Variants in SETD1B observed in about 807,000 individuals in gnomAD.
The protein encoded by SETD1B is histone-lysine N-methyltransferase SETD1B.
In SETD1B, 7 loss-of-function variants were observed where a neutral mutation model predicts 148.0. That is an observed-to-expected ratio of 0.05 (90% CI 0.03 to 0.09). The LOEUF is 0.09. Among genes scored for constraint, SETD1B ranks in the 10% least tolerant of loss-of-function variants. SETD1B has a pLI of 1.00. For missense variants in SETD1B, 2,155 were observed against 2,729.9 expected (o/e 0.79, Z 4.69); for synonymous variants, 1,361 against 1,186.5 (o/e 1.15, Z -3.02).
At chr12:121,812,835 G>A (rs1175600443) in intron 6 of SETD1B, among the ~76,000 whole-genome samples, 1 of 152,100 alleles carries the variant, frequency 6.6e-6, no homozygotes, top group African/African-American at 2.4e-5. Context: ...CGCTGCCTTA[G>A]TTTGGGTAGT....
rs138210518 is a variant in SETD1B, at chr12:121,830,517, C to A, written c.*278C>A. On this transcript the variant is annotated 3_prime_UTR_variant, in exon 17 of 17. Transcript: ENST00000604567. This position sits in a 1 kb window ranked among gnomAD's most constrained non-coding sequence, Gnocchi z 5.7. ...GTTTAACTCCAGCATCAGCTTCTCT[C>A]TCTCCGTCTCTCCTCCCCTCTCTCT... 9.3e-3 allele frequency: 3,246 copies of A among 348,072 alleles called. 44 individuals carry two copies. The highest frequency in any genetic ancestry group is 0.027 in the Middle Eastern group (34 of 1,248). The allele number at this position is 348,072 out of a possible 1,614,324, so 21.6% of individuals were successfully genotyped here. A position where few individuals can be genotyped will look rare whatever the true frequency, so the allele number is the denominator to read the frequency against.
In SETD1B at chr12:121,825,351, C is replaced by T. The variant is rs1292796444; in HGVS notation, c.5322C>T (p.Pro1774=). ...GCAGCCGTGCCAGCACCGATGAGCC[C>T]CCCGCAGACACCCAGGTACTGCCAG... ...LNSSRASTDE[P]PADTQGMSIP... is the part of the protein sequence containing the mutation. The change falls in exon 13 of 17, where the codon CCC becomes CCT. Residue 1774 remains proline (P), a synonymous_variant. Coordinates refer to ENST00000604567, the MANE Select transcript of SETD1B (RefSeq NM_001353345.2). 2 of 1,550,332 alleles carry T rather than the reference C, an allele frequency of 1.3e-6. No homozygotes were observed. Among genetic ancestry groups the T allele is most frequent in the Middle Eastern group, 3.3e-4 (2 of 5,990 alleles).
chr12:121,811,387 C>T (rs1326179220), intron 6 of SETD1B, among the ~76,000 whole-genome samples: 1 of 150,988 alleles, frequency 6.6e-6, no homozygotes, highest in Non-Finnish European at 1.5e-5. Flanking sequence ...GTGCTGGTTT[C>T]CCTTCTTCTC....
chr12:121,819,375 G>T (rs1255561926), intron 10 of SETD1B, 29 bp from the exon 11 acceptor site: 17 of 1,550,626 alleles, frequency 1.1e-5, no homozygotes, highest in Non-Finnish European at 1.5e-5. Flanking sequence ...GGGTCCTCAG[G>T]CAGCCCCTCG....
At chr12:121,829,489 G>A (rs1334018094) in intron 16 of SETD1B, among the ~76,000 whole-genome samples, 1 of 152,206 alleles carries the variant, frequency 6.6e-6, no homozygotes, top group Non-Finnish European at 1.5e-5. Context: ...CATGCTTTAG[G>A]TGTGAGCTAA....
rs2137540687 is a variant in SETD1B, at chr12:121,804,493, C to T, written c.-14-231C>T. 6.6e-6 allele frequency among the ~76,000 whole-genome samples: 1 copy of T among 151,326 alleles called. No homozygotes were observed. Among genetic ancestry groups the T allele is most frequent in the East Asian group, 2.0e-4 (1 of 5,088 alleles). ...CCGCCCAGGGGACCCCCGGGAGCCCCTCGCTGCCGCCCCGAGACGGTGGCC... is the reference window on the plus strand; with the variant it reads ...CCGCCCAGGGGACCCCCGGGAGCCCTTCGCTGCCGCCCCGAGACGGTGGCC... On this transcript the variant is annotated intron_variant, in intron 1 of 16. Transcript: ENST00000604567. The surrounding 1 kb of genome is among the most constrained non-coding windows in gnomAD (Gnocchi z 4.6).
Position 121,809,950 on chromosome 12 carries a change from G to T in SETD1B, c.1005G>T (p.Ala335=), listed in dbSNP as rs1056114867. 6.4e-7 allele frequency: 1 copy of T among 1,551,012 alleles called. No individual in the cohort carries two copies. Among genetic ancestry groups the T allele is most frequent in the Admixed American group, 2.0e-5 (1 of 51,006 alleles). ...ATCATTATGTACACAATTCTCCCGC[G>T]GTCACTGCGGTGGCCGGGGCCACAG... is the stretch of plus-strand genomic sequence containing the variant. ...HEHHYVHNSP[A]VTAVAGATAA... The change falls in exon 6 of 17, where the codon GCG becomes GCT. Residue 335 remains alanine (A), a synonymous_variant. Transcript: ENST00000604567.
rs553823417 is a variant in SETD1B at position 121,817,566 on chromosome 12, C to T, written c.3174C>T (p.Thr1058=). Residue 1058 remains threonine, a synonymous_variant, in exon 9 of 17, where the codon ACC becomes ACT. Coordinates refer to ENST00000604567, the MANE Select transcript of SETD1B (RefSeq NM_001353345.2). This position sits in a 1 kb window ranked among gnomAD's most constrained non-coding sequence, Gnocchi z 8.1. The stretch of plus-strand genomic sequence containing the variant: ...CATCATCCTCGGGGTCCTCAACCAC[C>T]TCACCCTCGTCCTCGGCCTCCGACA... ...SASSSSGSST[T]SPSSSASDKE... is the part of the protein sequence containing the mutation. 3.2e-6 allele frequency: 5 copies of T among 1,551,434 alleles called. No homozygotes were observed. The East Asian group carries it at 7.3e-5, about 23-fold the overall frequency.
At chr12:121,823,996 A>G (rs1022748521) in intron 12 of SETD1B, among the ~76,000 whole-genome samples, 2 of 152,234 alleles carry the variant, frequency 1.3e-5, no homozygotes, top group Non-Finnish European at 2.9e-5. Flanking sequence ...AGCAGGTCTC[A>G]GGGTCACATG....
At chr12:121,793,342 C>G in the SETD1B span, 4 of 1,432,592 alleles carry the variant, frequency 2.8e-6, no homozygotes, top group South Asian at 1.2e-5. Context: ...GATCAGCCCC[C>G]CCTCACCCCG....
chr12:121,817,932 C>G lies in SETD1B; in HGVS notation c.3418+28C>G. 1 of 1,505,850 alleles carries G rather than the reference C, an allele frequency of 6.6e-7. No individual in the cohort carries two copies. The highest frequency in any genetic ancestry group is 1.4e-5 in the African/African-American group (1 of 71,588). The allele number at this position is 1,505,850 out of a possible 1,614,324, so 93.3% of individuals were successfully genotyped here. On this transcript the variant is annotated intron_variant, in intron 10 of 16. Coordinates refer to ENST00000604567, the MANE Select transcript of SETD1B (RefSeq NM_001353345.2). This position sits in a 1 kb window ranked among gnomAD's most constrained non-coding sequence, Gnocchi z 8.1. ...GAGCAGGGAGGCCGTGGCTGCCTGG[C>G]CCTCCCGGAGTCCCTCTTTCCCCGG...
intron 13 of SETD1B, among the ~76,000 whole-genome samples, chr12:121,826,831 G>T (rs1251583146): frequency 1.3e-5 from 2 of 152,054 alleles, no homozygotes; most frequent in Non-Finnish European, 2.9e-5. Flanking sequence ...TGGGCGGGGG[G>T]TGACAGCCCA....
At chr12:121,828,107 C>T (rs1488754382) in intron 16 of SETD1B, 37 bp downstream of exon 16, 2 of 1,547,144 alleles carry the variant, frequency 1.3e-6, no homozygotes, top group Admixed American at 2.0e-5. Context: ...TGCCCCTGCT[C>T]CTGCCCCTGG....
intron 13 of SETD1B, among the ~76,000 whole-genome samples, chr12:121,827,239 A>C (rs1592992498): frequency 6.6e-6 from 1 of 152,112 alleles, no homozygotes; most frequent in Non-Finnish European, 1.5e-5. Flanking sequence ...GTGAGAGCCA[A>C]GGAGGGGGTC....
Position 121,808,396 on chromosome 12 carries a change from T to A in SETD1B, c.657+76T>A. 2 of 955,298 alleles carry A rather than the reference T, an allele frequency of 2.1e-6. No homozygotes were observed. The highest frequency in any genetic ancestry group is 3.2e-6 in the Non-Finnish European group (2 of 626,152). The allele number at this position is 955,298 out of a possible 1,614,324, so 59.2% of individuals were successfully genotyped here. Reference sequence around the variant, plus strand: ...CCCACCTCTGGAAAGCCTCACCAACTCTCTTATGGGACCCCCAGCCTACCC... The same window carrying A: ...CCCACCTCTGGAAAGCCTCACCAACACTCTTATGGGACCCCCAGCCTACCC... On this transcript the variant is annotated intron_variant, in intron 5 of 16. Coordinates refer to ENST00000604567, the MANE Select transcript of SETD1B (RefSeq NM_001353345.2). The surrounding 1 kb of genome is among the most constrained non-coding windows in gnomAD (Gnocchi z 5.3).
chr12:121,827,809 G>T lies in SETD1B; in HGVS notation c.5544G>T (p.Ala1848=). ...DWGLFAMEPI[A]ADEMVIEYVG... ...GCTTGTTCGCCATGGAGCCCATCGC[G>T]GCTGACGAGATGGTCATCGAGTACG... Residue 1848 remains alanine, a synonymous_variant, in exon 15 of 17, where the codon GCG becomes GCT. Transcript: ENST00000604567. 6.4e-7 allele frequency: 1 copy of T among 1,559,754 alleles called. No individual in the cohort carries two copies. The highest frequency in any genetic ancestry group is 2.4e-5 in the East Asian group (1 of 41,654).
chr12:121,814,426 GC>G lies in SETD1B; in HGVS notation c.2216del (p.Pro739HisfsTer17). The part of the protein sequence containing the change: ...PPLPAPPGVP[P>X]PPILPPLPPF... ...CCTTGCCAGCGCCGCCTGGAGTCCC[GC>G]CCCCACCCATCCTGCCACCACTGCC... On this transcript the variant is annotated frameshift_variant, in exon 7 of 17. Transcript: ENST00000604567. LOFTEE classifies it high-confidence loss of function. The G allele has an allele frequency of 3.3e-6, 3 of 915,526 alleles. No homozygotes were observed. The highest frequency in any genetic ancestry group is 1.8e-5 in the South Asian group (1 of 56,328). 56.7% of individuals were successfully genotyped at this position (915,526 alleles called of 1,614,324 possible).
chr12:121,816,915 A>G (rs989798553), intron 7 of SETD1B, 118 bp from the exon 8 acceptor site: 1 of 867,586 alleles, frequency 1.2e-6, no homozygotes, highest in East Asian at 2.7e-5. Flanking sequence ...GGGAATGAGG[A>G]TGCAGTTACC....
Position 121,810,338 on chromosome 12 carries a change from G to A in SETD1B, c.1393G>A (p.Gly465Ser). ...PPPDTNSMEL[G>S]GRPTFGWSPE... Reference sequence around the variant, plus strand: ...CCCCGACACCAACAGCATGGAGCTGGGCGGCCGGCCCACCTTCGGCTGGAG... The same window carrying A: ...CCCCGACACCAACAGCATGGAGCTGAGCGGCCGGCCCACCTTCGGCTGGAG... The change falls in exon 6 of 17, where the codon GGC becomes AGC. Residue 465 changes from glycine to serine, a missense_variant. Coordinates refer to ENST00000604567, the MANE Select transcript of SETD1B (RefSeq NM_001353345.2). This position sits in a 1 kb window ranked among gnomAD's most constrained non-coding sequence, Gnocchi z 7.6. 6.5e-7 allele frequency: 1 copy of A among 1,545,938 alleles called. No individual in the cohort carries two copies. The highest frequency in any genetic ancestry group is 8.7e-7 in the Non-Finnish European group (1 of 1,146,694).
Sources: gnomAD v4.1 joint callset for allele counts (sites outside exome capture counted in the v4.1 genomes callset) on GRCh38, gnomAD v4.1.1 for gene constraint, Gnocchi (gnomAD v3.1) non-coding constraint, MANE v1.5 for transcripts, NCBI Gene and HGNC (gene_info 2026-07-23, HGNC 2026-07-21) for gene names.